The following EPHB1 variants were observed in gnomAD, a reference collection of about 807,000 sequenced individuals.
The protein encoded by EPHB1 is EPH receptor B1, also known as ephrin type-B receptor 1.
A neutral mutation model predicts 94.4 loss-of-function variants in EPHB1; 30 were observed. The ratio of observed to expected loss-of-function variants is 0.32; its 90% CI spans 0.24 to 0.43. EPHB1 has a LOEUF of 0.43. EPHB1 is among the 20% of genes least tolerant of loss of function. The pLI is 1.00. For synonymous variants in EPHB1, 522 were observed against 489.1 expected, an observed-to-expected ratio of 1.07 and a Z score of -0.89; for missense variants, 1,055 against 1,308.3, an observed-to-expected ratio of 0.81 and a Z score of 2.99.
intron 1 of EPHB1, among the ~76,000 whole-genome samples, chr3:134,824,333 T>C (rs1020889855): frequency 6.6e-6 from 1 of 152,060 alleles, no homozygotes; most frequent in Non-Finnish European, 1.5e-5. Context: ...AGAAACTCGA[T>C]GTTGACTCTG....
At chr3:134,827,127 A>C (rs2036494208) in intron 1 of EPHB1, among the ~76,000 whole-genome samples, 1 of 152,226 alleles carries the variant, frequency 6.6e-6, no homozygotes, top group Admixed American at 6.5e-5. Context: ...CTTTCACATG[A>C]GTCAACTCAT....
At chr3:134,805,970 C>T (rs1034728930) in intron 1 of EPHB1, among the ~76,000 whole-genome samples, 1 of 152,118 alleles carries the variant, frequency 6.6e-6, no homozygotes, top group Non-Finnish European at 1.5e-5. Context: ...TGGGTTCTAT[C>T]CTGATTGTCA....
At chr3:135,088,719 A>G (rs1404757668) in intron 3 of EPHB1, among the ~76,000 whole-genome samples, 1 of 152,208 alleles carries the variant, frequency 6.6e-6, no homozygotes. Flanking sequence ...TTCTCCTTGT[A>G]TCCCTAGATC....
rs1304768485 is a variant in EPHB1, at chr3:135,166,911, T to C, written c.1695-31T>C. The C allele has an allele frequency of 1.9e-6, 3 of 1,613,322 alleles. No individual in the cohort carries two copies. In the Admixed American group the frequency reaches 5.0e-5, roughly 27 times the overall value. On this transcript the variant is annotated intron_variant, in intron 8 of 15. Coordinates refer to ENST00000398015, the MANE Select transcript of EPHB1 (RefSeq NM_004441.5). ...GGAACAGACTGGTGGGTGTGCCCTG[T>C]GGCTGAGAGAGCCCCTCTTTTTATC...
At chr3:135,165,313 G>A (rs1941619854) in intron 7 of EPHB1, among the ~76,000 whole-genome samples, 1 of 152,194 alleles carries the variant, frequency 6.6e-6, no homozygotes, top group African/African-American at 2.4e-5. Flanking sequence ...CACAAAGCTT[G>A]CACATGGTAA....
chr3:135,222,637 A>C (rs923193295), intron 12 of EPHB1, among the ~76,000 whole-genome samples: 2 of 152,194 alleles, frequency 1.3e-5, no homozygotes, highest in Non-Finnish European at 2.9e-5. Flanking sequence ...GGGAGTAAAC[A>C]TGAGGAAATG....
chr3:134,958,951 A>G lies in EPHB1; in HGVS notation c.805+6899A>G, dbSNP rs1258171942. ...GAGACACAGGGCTAGAAGCACCCAA[A>G]TTCCACTAGTGTTGAGCAAATAATC... is the stretch of plus-strand genomic sequence containing the variant. On this transcript the variant is annotated intron_variant, in intron 3 of 15. Coordinates refer to ENST00000398015, the MANE Select transcript of EPHB1 (RefSeq NM_004441.5). Among the ~76,000 whole-genome samples the G allele has an allele frequency of 6.6e-5, 10 of 152,174 alleles. 1 individual carries two copies. Among genetic ancestry groups the G allele is most frequent in the Admixed American group, 3.3e-4 (5 of 15,276 alleles).
At chr3:134,846,713 A>G (rs1290314735) in intron 1 of EPHB1, among the ~76,000 whole-genome samples, 4 of 151,992 alleles carry the variant, frequency 2.6e-5, no homozygotes. Flanking sequence ...AAGGAAAGGC[A>G]TGGGGGCAGG....
intron 5 of EPHB1, among the ~76,000 whole-genome samples, chr3:135,146,428 C>T (rs1941012887): frequency 6.6e-6 from 1 of 152,188 alleles, no homozygotes. Flanking sequence ...ATACAGGTGA[C>T]GAGACCTGTG....
chr3:135,112,691 C>A (rs1225427540), intron 4 of EPHB1, among the ~76,000 whole-genome samples: 1 of 151,756 alleles, frequency 6.6e-6, no homozygotes, highest in African/African-American at 2.4e-5. Context: ...TTTCCAGTTT[C>A]ATCCATGTCC....
intron 10 of EPHB1, among the ~76,000 whole-genome samples, chr3:135,190,490 G>A (rs936009949): frequency 1.3e-5 from 2 of 151,936 alleles, no homozygotes; most frequent in Non-Finnish European, 2.9e-5. Flanking sequence ...TATATGCTAC[G>A]TATCTACATG....
At chr3:135,016,924 T>C (rs1277750839) in intron 3 of EPHB1, among the ~76,000 whole-genome samples, 7 of 152,190 alleles carry the variant, frequency 4.6e-5, no homozygotes, top group Admixed American at 4.6e-4. Context: ...CCTGCTTATC[T>C]GGGCTGTAGC....
intron 3 of EPHB1, among the ~76,000 whole-genome samples, chr3:135,082,941 T>C (rs1938214705): frequency 6.6e-6 from 1 of 152,064 alleles, no homozygotes; most frequent in South Asian, 2.1e-4. Context: ...AGTTGAGGCA[T>C]GTGGAAGTCA....
intron 1 of EPHB1, among the ~76,000 whole-genome samples, chr3:134,898,189 G>A (rs900235732): frequency 6.6e-6 from 1 of 152,046 alleles, no homozygotes; most frequent in Non-Finnish European, 1.5e-5. Context: ...TGATCCCAGC[G>A]AATCAACTTC....
At chr3:134,825,886 C>T (rs1373658347) in intron 1 of EPHB1, among the ~76,000 whole-genome samples, 1 of 152,044 alleles carries the variant, frequency 6.6e-6, no homozygotes, top group Non-Finnish European at 1.5e-5. Context: ...TTGAAGATGC[C>T]TTTCTTTTAC....
intron 1 of EPHB1, among the ~76,000 whole-genome samples, chr3:134,900,845 GT>G (rs1323374887): frequency 2.0e-5 from 3 of 152,136 alleles, no homozygotes; most frequent in Non-Finnish European, 2.9e-5. Flanking sequence ...GTTGGAGGGT[GT>G]TGTGTGCATA....
chr3:134,961,404 G>A (rs770920168), intron 3 of EPHB1, among the ~76,000 whole-genome samples: 3 of 152,194 alleles, frequency 2.0e-5, no homozygotes, highest in Non-Finnish European at 2.9e-5. Context: ...CGTTACTTCC[G>A]AAGGAAGCCT....
intron 12 of EPHB1, among the ~76,000 whole-genome samples, chr3:135,231,731 C>T (rs1308900254): frequency 6.6e-6 from 1 of 152,216 alleles, no homozygotes; most frequent in African/African-American, 2.4e-5. Flanking sequence ...ATTTTGTCAG[C>T]AGCTAATGCT....
intron 12 of EPHB1, among the ~76,000 whole-genome samples, chr3:135,232,795 T>A (rs1943563715): frequency 6.6e-6 from 1 of 152,084 alleles, no homozygotes; most frequent in African/African-American, 2.4e-5. Flanking sequence ...TTCAGGAAAC[T>A]TACAATCATG....
Sources: gnomAD v4.1 joint callset for allele counts (sites outside exome capture counted in the v4.1 genomes callset) on GRCh38, gnomAD v4.1.1 for gene constraint, MANE v1.5 for transcripts, NCBI Gene and HGNC (gene_info 2026-07-23, HGNC 2026-07-21) for gene names.